The following MAPK10 variants were observed in gnomAD, a reference collection of about 807,000 sequenced individuals.
MAPK10 encodes the protein mitogen-activated protein kinase 10.
A neutral mutation model predicts 59.3 loss-of-function variants in MAPK10; 25 were observed. The ratio of observed to expected loss-of-function variants is 0.42; its 90% CI spans 0.31 to 0.59. The LOEUF (loss-of-function observed/expected upper bound fraction) is 0.59. Ranked by LOEUF, MAPK10 falls within the 20% of genes least tolerant of loss-of-function variation. MAPK10 has a pLI of 0.15. For missense variants in MAPK10, 351 were observed against 568.9 expected (o/e 0.62, Z 3.90); for synonymous variants, 190 against 200.5 (o/e 0.95, Z 0.44).
intron 3 of MAPK10, among the ~76,000 whole-genome samples, chr4:86,165,194 G>C (rs2071205523): frequency 6.6e-6 from 1 of 152,032 alleles, no homozygotes; most frequent in Non-Finnish European, 1.5e-5. Context: ...TCCTGCTTTT[G>C]GCACAGAAGA....
At chr4:86,194,059 A>T in intron 3 of MAPK10, 1 of 376,862 alleles carries the variant, frequency 2.7e-6, no homozygotes, top group Non-Finnish European at 4.8e-6. Flanking sequence ...GCTTCAGCTC[A>T]CCCTCTGTGG....
At chr4:86,145,009 A>C (rs948271821) in intron 4 of MAPK10, among the ~76,000 whole-genome samples, 1 of 152,176 alleles carries the variant, frequency 6.6e-6, no homozygotes, top group African/African-American at 2.4e-5. Context: ...CCAAAAAAAC[A>C]AAAAAGATAT....
At chr4:86,263,140 G>A (rs57359823) in intron 2 of MAPK10, among the ~76,000 whole-genome samples, 13,727 of 152,158 alleles carry the variant, frequency 0.09, 1,134 homozygotes, top group African/African-American at 0.22. Flanking sequence ...AGGTGTATGA[G>A]TGGTGGTAAC....
chr4:86,523,335 A>T (rs1757257346), intron 1 of MAPK10, among the ~76,000 whole-genome samples: 1 of 152,222 alleles, frequency 6.6e-6, no homozygotes, highest in Non-Finnish European at 1.5e-5. Flanking sequence ...TCTTTAATAG[A>T]GCTATCCAAG....
At chr4:86,282,018 A>C (rs1422329464) in intron 2 of MAPK10, among the ~76,000 whole-genome samples, 1 of 152,206 alleles carries the variant, frequency 6.6e-6, no homozygotes, top group African/African-American at 2.4e-5. Flanking sequence ...AAATTTAAGA[A>C]GATGGAATAA....
chr4:86,590,404 T>C (rs1300672899), intron 1 of MAPK10, among the ~76,000 whole-genome samples: 1 of 152,236 alleles, frequency 6.6e-6, no homozygotes. Context: ...AAGACTCTTC[T>C]TATTTTTGAA....
At chr4:86,505,111 T>A (rs1264307163) in intron 1 of MAPK10, among the ~76,000 whole-genome samples, 2 of 152,142 alleles carry the variant, frequency 1.3e-5, no homozygotes, top group Non-Finnish European at 2.9e-5. Context: ...GGTTCAACCT[T>A]CACCTGTTTC....
chr4:86,408,811 A>G (rs904885490), intron 1 of MAPK10, among the ~76,000 whole-genome samples: 2 of 152,340 alleles, frequency 1.3e-5, no homozygotes, highest in East Asian at 3.9e-4. Context: ...GTCCTTTGTC[A>G]GATGGGTAGA....
At chr4:86,324,123 T>A (rs926919030) in intron 2 of MAPK10, among the ~76,000 whole-genome samples, 1 of 152,136 alleles carries the variant, frequency 6.6e-6, no homozygotes, top group African/African-American at 2.4e-5. Context: ...AGAGCTAGTT[T>A]AGGTCGGGCG....
chr4:86,089,642 C>G (rs562824075), intron 9 of MAPK10: 1 of 164,060 alleles, frequency 6.1e-6, no homozygotes, highest in Non-Finnish European at 1.3e-5. Context: ...TGTTAATATG[C>G]AAATCAGTTT....
At chr4:86,388,254 A>G (rs1022405073) in intron 1 of MAPK10, among the ~76,000 whole-genome samples, 4 of 152,168 alleles carry the variant, frequency 2.6e-5, no homozygotes, top group Non-Finnish European at 5.9e-5. Context: ...CGTGGCTTAC[A>G]TAAAACTTTC....
intron 4 of MAPK10, among the ~76,000 whole-genome samples, chr4:86,141,891 G>A (rs866481591): frequency 6.6e-6 from 1 of 152,176 alleles, no homozygotes; most frequent in Non-Finnish European, 1.5e-5. Flanking sequence ...CCAGGGCATG[G>A]CCCTGGCTTG....
At chr4:86,435,295 G>A (rs1042359173) in intron 1 of MAPK10, among the ~76,000 whole-genome samples, 5 of 152,044 alleles carry the variant, frequency 3.3e-5, no homozygotes, top group African/African-American at 7.3e-5. Flanking sequence ...TCAGGAGTTC[G>A]AGACCAGCCT....
intron 3 of MAPK10, among the ~76,000 whole-genome samples, chr4:86,178,016 C>A (rs919269306): frequency 2.6e-5 from 4 of 151,800 alleles, no homozygotes; most frequent in Non-Finnish European, 5.9e-5. Context: ...ACGTAAAATG[C>A]CAAAAAAAGT....
intron 2 of MAPK10, among the ~76,000 whole-genome samples, chr4:86,342,488 A>C (rs1725573982): frequency 6.6e-6 from 1 of 152,092 alleles, no homozygotes; most frequent in South Asian, 2.1e-4. Context: ...GAACCTGGCA[A>C]ACATTCTCAT....
intron 9 of MAPK10, chr4:86,082,289 TG>T (rs1210013797): frequency 6.6e-6 from 1 of 152,208 alleles, no homozygotes; most frequent in Non-Finnish European, 1.5e-5. Context: ...TGGTAGCATA[TG>T]TGTGTCTATT....
At chr4:86,366,800 G>C in intron 1 of MAPK10, among the ~76,000 whole-genome samples, 1 of 152,164 alleles carries the variant, frequency 6.6e-6, no homozygotes, top group South Asian at 2.1e-4. Flanking sequence ...AGTGAATTAA[G>C]GGGGTAGCAG....
Position 86,538,724 on chromosome 4 carries a change from T to C in MAPK10, c.-263+55186A>G, listed in dbSNP as rs149801651. On this transcript the variant is annotated intron_variant, in intron 1 of 4. Coordinates refer to the MAPK10 transcript ENST00000502302. ...ATAGGATGTTAAACTTTTGTACATA[T>C]AGTAATAAAAATGAAAAGACCAAAA... 1.7e-3 allele frequency among the ~76,000 whole-genome samples: 253 copies of C among 152,258 alleles called. 4 individuals carry two copies. Among genetic ancestry groups the C allele is most frequent in the African/African-American group, 5.7e-3 (236 of 41,566 alleles).
intron 7 of MAPK10, among the ~76,000 whole-genome samples, chr4:86,101,687 A>G (rs1222910188): frequency 1.3e-5 from 2 of 152,216 alleles, no homozygotes; most frequent in African/African-American, 2.4e-5. Flanking sequence ...CTGCATCTCA[A>G]TGAGCCAAAA....
Sources: gnomAD v4.1 joint callset for allele counts (sites outside exome capture counted in the v4.1 genomes callset) on GRCh38, gnomAD v4.1.1 for gene constraint, MANE v1.5 for transcripts, NCBI Gene and HGNC (gene_info 2026-07-23, HGNC 2026-07-21) for gene names.